USP18: variants seen among roughly 807,000 people sequenced by gnomAD.
USP18 encodes the protein ubl carboxyl-terminal hydrolase 18.
USP18 carries 11 observed loss-of-function variants against 48.7 expected under a neutral mutation model. That is an observed-to-expected ratio of 0.23 (90% CI 0.14 to 0.37). USP18 has a LOEUF of 0.37. Ranked by LOEUF, USP18 falls within the 10% of genes least tolerant of loss-of-function variation. The pLI, the probability that USP18 is intolerant of heterozygous loss-of-function variation, is 1.00. For synonymous variants in USP18, 114 were observed against 163.2 expected (o/e 0.70, Z 2.30); for missense variants, 285 against 436.4 (o/e 0.65, Z 3.09).
chr22:18,154,656 G>T (rs907036891), intron 1 of USP18, among the ~76,000 whole-genome samples: 1 of 151,878 alleles, frequency 6.6e-6, no homozygotes, highest in African/African-American at 2.4e-5. Flanking sequence ...GCCCGGGCTA[G>T]TCTTGAACTC....
Position 18,173,836 on chromosome 22 carries a change from A to G in USP18, c.1067A>G (p.Tyr356Cys), listed in dbSNP as rs1369502312. Residue 356 changes from tyrosine to cysteine, a missense_variant, in exon 10 of 11, where the codon TAC becomes TGC. By Grantham distance (194) the Tyr-to-Cys change is radical (BLOSUM62 -2). Transcript: ENST00000215794. ...CAGTGTACCTACGGAAATCCTAACTACCACTGGTAAGAAACAGATTTGGGT... is the reference window on the plus strand; with the variant it reads ...CAGTGTACCTACGGAAATCCTAACTGCCACTGGTAAGAAACAGATTTGGGT... ...DIQCTYGNPN[Y>C]HWQETAYLLV... 2 of 1,601,410 alleles carry G rather than the reference A, an allele frequency of 1.2e-6. No homozygotes were observed. The highest frequency in any genetic ancestry group is 2.2e-5 in the East Asian group (1 of 44,584).
At chr22:18,166,600 T>A (rs1929482829) in intron 4 of USP18, among the ~76,000 whole-genome samples, 1 of 151,844 alleles carries the variant, frequency 6.6e-6, no homozygotes, top group Admixed American at 6.6e-5. Flanking sequence ...TGCTGTTTTA[T>A]CGTTTCTGGG....
intron 4 of USP18, among the ~76,000 whole-genome samples, chr22:18,166,059 A>C (rs1182084780): frequency 6.7e-6 from 1 of 148,648 alleles, no homozygotes; most frequent in Admixed American, 6.7e-5. Flanking sequence ...TTTTTGTATC[A>C]GAGTTAGTTG....
chr22:18,172,865 A>G (rs1040001843), intron 8 of USP18, among the ~76,000 whole-genome samples: 20 of 149,698 alleles, frequency 1.3e-4, no homozygotes, highest in African/African-American at 4.9e-4. Context: ...GATGATCCCC[A>G]CCCCTCCCAG....
rs1929294500 is a variant in USP18 at position 18,160,357 on chromosome 22, G to A, written c.254+89G>A. 5 of 1,492,396 alleles carry A rather than the reference G, an allele frequency of 3.4e-6. No homozygotes were observed. The Admixed American group carries it at 8.7e-5, about 26-fold the overall frequency. 92.4% of individuals were successfully genotyped at this position (1,492,396 alleles called of 1,614,324 possible). A position where few individuals can be genotyped will look rare whatever the true frequency, so the allele number is the denominator to read the frequency against. On this transcript the variant is annotated intron_variant, in intron 3 of 10. Transcript: ENST00000215794. The stretch of plus-strand genomic sequence containing the variant: ...GTCTTGCTCTGTTGCCCAGGCTGGA[G>A]TGCAGTGGCATGATCTTGGCTCACT...
In USP18 at chr22:18,157,648, T is replaced by C. The variant is rs1329469523; in HGVS notation, c.-16T>C. Reference sequence around the variant, plus strand: ...GGCCAGGCAGCTGCGGCCTGGGGGTTTTGGAGTGATCACGAATGAGCAAGG... The same window carrying C: ...GGCCAGGCAGCTGCGGCCTGGGGGTCTTGGAGTGATCACGAATGAGCAAGG... On this transcript the variant is annotated 5_prime_UTR_variant, in exon 2 of 11. Transcript: ENST00000215794. 1.2e-6 allele frequency: 2 copies of C among 1,613,584 alleles called. No homozygotes were observed. Among genetic ancestry groups the C allele is most frequent in the Non-Finnish European group, 1.7e-6 (2 of 1,179,806 alleles).
intron 1 of USP18, among the ~76,000 whole-genome samples, chr22:18,153,262 C>T (rs894256681): frequency 3.3e-5 from 5 of 152,114 alleles, no homozygotes; most frequent in African/African-American, 4.8e-5. Context: ...AACCCCGTCT[C>T]TACTAAAAAT....
At chr22:18,158,229 A>C (rs1929225620) in intron 2 of USP18, among the ~76,000 whole-genome samples, 1 of 152,186 alleles carries the variant, frequency 6.6e-6, no homozygotes, top group African/African-American at 2.4e-5. Context: ...CAGAGGTTGC[A>C]GTGAGCTGAG....
Position 18,167,471 on chromosome 22 carries a change from G to A in USP18, c.480+137G>A, listed in dbSNP as rs576741391. The A allele has an allele frequency of 2.0e-5, 21 of 1,071,534 alleles. No individual in the cohort carries two copies. The East Asian group carries it at 5.0e-4, about 26-fold the overall frequency. The allele number at this position is 1,071,534 out of a possible 1,614,324, so 66.4% of individuals were successfully genotyped here. ...CCAGCACTTTGGGAGGCTGAGGCAG[G>A]CGGATCACGAGGTCAGGAGATCGAG... On this transcript the variant is annotated intron_variant, in intron 5 of 10. Coordinates refer to ENST00000215794, the MANE Select transcript of USP18 (RefSeq NM_017414.4).
chr22:18,159,966 C>A (rs372239691), intron 2 of USP18, among the ~76,000 whole-genome samples: 1 of 151,982 alleles, frequency 6.6e-6, no homozygotes, highest in African/African-American at 2.4e-5. Flanking sequence ...CGTGAGCCAC[C>A]GCACCCGGCT....
In USP18 at chr22:18,150,845, G is replaced by A. The variant is rs185395637; in HGVS notation, c.-107+623G>A. On this transcript the variant is annotated intron_variant, in intron 1 of 10. Transcript: ENST00000215794. ...CGCATGCCTGTAATCCCAGCTACTC[G>A]GGAGGCTGAGGCAGGAGAATCGCTT... 9.0e-4 allele frequency among the ~76,000 whole-genome samples: 137 copies of A among 152,284 alleles called. 1 individual carries two copies. Among genetic ancestry groups the A allele is most frequent in the African/African-American group, 3.2e-3 (133 of 41,558 alleles).
intron 8 of USP18, among the ~76,000 whole-genome samples, chr22:18,172,056 A>G (rs1438022667): frequency 6.6e-6 from 1 of 152,208 alleles, no homozygotes; most frequent in Non-Finnish European, 1.5e-5. Context: ...GCTGGAGTCC[A>G]GGAGTCGAGC....
intron 9 of USP18, among the ~76,000 whole-genome samples, chr22:18,173,547 A>G (rs1171241192): frequency 1.3e-5 from 2 of 152,162 alleles, no homozygotes; most frequent in Non-Finnish European, 2.9e-5. Context: ...GGAAATGTCT[A>G]GAGAGCAACG....
At chr22:18,176,151 G>A (rs1459977242) in intron 10 of USP18, among the ~76,000 whole-genome samples, 3 of 85,892 alleles carry the variant, frequency 3.5e-5, no homozygotes, top group Non-Finnish European at 6.7e-5. Context: ...GCGTGGTGGC[G>A]GGCGCCTGTA....
intron 2 of USP18, among the ~76,000 whole-genome samples, chr22:18,159,307 C>T (rs948612672): frequency 5.3e-5 from 8 of 152,114 alleles, no homozygotes; most frequent in Non-Finnish European, 7.4e-5. Flanking sequence ...CTTCCCGCCT[C>T]GGCCTCCCAA....
chr22:18,162,839 C>T lies in USP18; in HGVS notation c.400+904C>T, dbSNP rs576892312. On this transcript the variant is annotated intron_variant, in intron 4 of 10. Coordinates refer to ENST00000215794, the MANE Select transcript of USP18 (RefSeq NM_017414.4). ...CATTGACTGAAATGTTGATCTGCAA[C>T]TCGTGACTGTTATTTCTTTGGATAA... 2.0e-5 allele frequency among the ~76,000 whole-genome samples: 3 copies of T among 152,144 alleles called. No individual in the cohort carries two copies. In the South Asian group the frequency reaches 6.2e-4, roughly 32 times the overall value.
At chr22:18,152,316 C>G (rs996688731) in intron 1 of USP18, among the ~76,000 whole-genome samples, 11 of 151,942 alleles carry the variant, frequency 7.2e-5, no homozygotes, top group African/African-American at 2.4e-4. Flanking sequence ...GCAGCTTGTT[C>G]CTGGCTCTTC....
chr22:18,157,778 G>C lies in USP18; in HGVS notation c.115G>C (p.Glu39Gln), dbSNP rs780985011. Residue 39 changes from glutamate (E) to glutamine (Q), a missense_variant, in exon 2 of 11, where the codon GAG becomes CAG. By Grantham distance (29) the Glu-to-Gln change is conservative (BLOSUM62 2). This residue lies in a region of USP18 where 199 missense variants were observed against 239.6 expected (regional missense o/e 0.83). Coordinates refer to ENST00000215794, the MANE Select transcript of USP18 (RefSeq NM_017414.4). ...GGAAGAAGACAGCAACATGAAGAGAGAGCAGCCCAGAGAGCGTCCCAGGGC... is the reference window on the plus strand; with the variant it reads ...GGAAGAAGACAGCAACATGAAGAGACAGCAGCCCAGAGAGCGTCCCAGGGC... ...KKEEDSNMKR[E>Q]QPRERPRAWD... 6.2e-7 allele frequency: 1 copy of C among 1,614,138 alleles called. No homozygotes were observed. Among genetic ancestry groups the C allele is most frequent in the Non-Finnish European group, 8.5e-7 (1 of 1,180,018 alleles).
rs745955706 is a variant in USP18, at chr22:18,170,952, C to T, written c.891+32C>T. On this transcript the variant is annotated intron_variant, in intron 8 of 10. Coordinates refer to ENST00000215794, the MANE Select transcript of USP18 (RefSeq NM_017414.4). ...TGATCCCGACCTCCTTGCCATCCTGCCTCTCCCCAGATGCCATGTCCTTTC... is the reference window on the plus strand; with the variant it reads ...TGATCCCGACCTCCTTGCCATCCTGTCTCTCCCCAGATGCCATGTCCTTTC... 2.2e-5 allele frequency: 23 copies of T among 1,026,184 alleles called. No individual in the cohort carries two copies. In the Admixed American group the frequency reaches 3.1e-4, roughly 14 times the overall value. 63.6% of individuals were successfully genotyped at this position (1,026,184 alleles called of 1,614,324 possible).
Sources: allele counts gnomAD v4.1 joint callset (sites outside exome capture counted in the v4.1 genomes callset), GRCh38; gene constraint gnomAD v4.1.1; regional missense constraint gnomAD v4.1.1; transcripts MANE v1.5; gene names NCBI Gene and HGNC (gene_info 2026-07-23, HGNC 2026-07-21).